DSG1: variants seen among roughly 807,000 people sequenced by gnomAD.
The protein encoded by DSG1 is desmoglein 1.
Under a neutral mutation model 97.5 loss-of-function variants are expected in DSG1, and 39 were observed. That is an observed-to-expected ratio of 0.40 (90% confidence interval 0.31 to 0.52). The LOEUF (loss-of-function observed/expected upper bound fraction) is 0.52, where lower values mean the gene tolerates loss of function less well. DSG1 is among the 20% of genes least tolerant of loss of function. The probability of loss-of-function intolerance (pLI) is 0.53; values close to 1 mark genes in which losing one functional copy is unlikely to be tolerated. For synonymous variants in DSG1, 475 were observed against 443.4 expected (o/e 1.07, Z -0.90); for missense variants, 1,311 against 1,295.4 (o/e 1.01, Z -0.18).
At chr18:31,323,850 C>T (rs2071668555) in intron 1 of DSG1, among the ~76,000 whole-genome samples, 1 of 152,036 alleles carries the variant, frequency 6.6e-6, no homozygotes, top group African/African-American at 2.4e-5. Context: ...ACTTTTTTAC[C>T]TCATCTCTTT....
At chr18:31,324,070 G>GCCTCCTGGGTTCCATTGATTCT (rs1229071797) in intron 1 of DSG1, among the ~76,000 whole-genome samples, 1 of 126,438 alleles carries the variant, frequency 7.9e-6, no homozygotes, top group Non-Finnish European at 1.6e-5. Flanking sequence ...TGCAACCTCC[G>GCCTCCTGGGTTCCATTGATTCT]CCTCCTGGGT....
intron 1 of DSG1, among the ~76,000 whole-genome samples, chr18:31,318,892 C>G (rs1415576967): frequency 6.6e-6 from 1 of 151,932 alleles, no homozygotes; most frequent in Non-Finnish European, 1.5e-5. Flanking sequence ...CTATAAAAAG[C>G]CCCGCACTAT....
chr18:31,349,397 T>C (rs1350817464), intron 14 of DSG1, among the ~76,000 whole-genome samples: 1 of 150,862 alleles, frequency 6.6e-6, no homozygotes, highest in East Asian at 1.9e-4. Flanking sequence ...AGTCAGGTAG[T>C]GTGATGCCTC....
intron 1 of DSG1, among the ~76,000 whole-genome samples, chr18:31,326,189 T>C (rs2071684776): frequency 1.3e-5 from 2 of 152,020 alleles, no homozygotes; most frequent in Non-Finnish European, 2.9e-5. Flanking sequence ...AAATTAACTA[T>C]AAAAAGAACT....
In DSG1 at chr18:31,355,455, T is replaced by A; in HGVS notation, c.*109T>A. ...CGCACAACTTCGTGCTCAGGTCATCTAGGAGCAAGGTGAGAAATCACAATG... is the reference window on the plus strand; with the variant it reads ...CGCACAACTTCGTGCTCAGGTCATCAAGGAGCAAGGTGAGAAATCACAATG... On this transcript the variant is annotated 3_prime_UTR_variant, in exon 15 of 15. Coordinates refer to ENST00000257192, the MANE Select transcript of DSG1 (RefSeq NM_001942.4). The A allele has an allele frequency of 9.1e-7, 1 of 1,095,254 alleles. No homozygotes were observed. The highest frequency in any genetic ancestry group is 1.4e-6 in the Non-Finnish European group (1 of 740,034). 67.8% of individuals were successfully genotyped at this position (1,095,254 alleles called of 1,614,324 possible).
At chr18:31,346,895 A>G (rs999378104) in intron 14 of DSG1, among the ~76,000 whole-genome samples, 2 of 152,194 alleles carry the variant, frequency 1.3e-5, no homozygotes, top group Non-Finnish European at 2.9e-5. Context: ...GAGTGGGGTC[A>G]AGAGCCATAG....
chr18:31,319,006 A>C (rs2071637397), intron 1 of DSG1, among the ~76,000 whole-genome samples: 1 of 152,198 alleles, frequency 6.6e-6, no homozygotes, highest in South Asian at 2.1e-4. Context: ...TTAAAGAGTA[A>C]GTATAATTAT....
At chr18:31,333,568 G>T in intron 6 of DSG1, 21 bp from the exon 7 acceptor site, 1 of 1,613,540 alleles carries the variant, frequency 6.2e-7, no homozygotes, top group South Asian at 1.1e-5. Context: ...GTGTGATATT[G>T]CCTGTAATAT....
chr18:31,321,250 A>G (rs1392205845), intron 1 of DSG1, among the ~76,000 whole-genome samples: 1 of 152,132 alleles, frequency 6.6e-6, no homozygotes, highest in Non-Finnish European at 1.5e-5. Flanking sequence ...TACACATTTC[A>G]TTACATAGTT....
intron 1 of DSG1, among the ~76,000 whole-genome samples, chr18:31,324,538 T>C (rs983938715): frequency 6.6e-6 from 1 of 152,212 alleles, no homozygotes; most frequent in Non-Finnish European, 1.5e-5. Flanking sequence ...AGGCATTATC[T>C]GGCATCTCAA....
chr18:31,353,515 T>C (rs938130327), intron 14 of DSG1, among the ~76,000 whole-genome samples: 8 of 151,914 alleles, frequency 5.3e-5, no homozygotes, highest in African/African-American at 1.4e-4. Flanking sequence ...GAGCTTCCTG[T>C]CTGCTTTGTT....
Position 31,354,366 on chromosome 18 carries a change from G to A in DSG1, c.2170G>A (p.Glu724Lys), listed in dbSNP as rs763943108. 13 of 1,614,046 alleles carry A rather than the reference G, an allele frequency of 8.1e-6. No homozygotes were observed. The highest frequency in any genetic ancestry group is 5.3e-5 in the African/African-American group (4 of 74,922). Residue 724 changes from glutamate (E) to lysine (K), a missense_variant, in exon 15 of 15, where the codon GAA (glutamate) becomes AAA (lysine). Around this residue, in one of 3 missense-constraint regions of DSG1, gnomAD observed 1,038 missense variants for 964.6 expected, o/e 1.08. Coordinates refer to ENST00000257192, the MANE Select transcript of DSG1 (RefSeq NM_001942.4). ...SNDCLLIYDIEGVGSPAGSVG... is the reference protein window; with the variant it reads ...SNDCLLIYDIKGVGSPAGSVG... Reference sequence around the variant, plus strand: ...TGACTGTTTGCTCATATATGACATCGAAGGTGTAGGTTCCCCTGCTGGCTC... The same window carrying A: ...TGACTGTTTGCTCATATATGACATCAAAGGTGTAGGTTCCCCTGCTGGCTC...
rs756653522 is a variant in DSG1, at chr18:31,328,288, A to G, written c.316A>G (p.Thr106Ala). 1 of 1,613,558 alleles carries G rather than the reference A, an allele frequency of 6.2e-7. No individual in the cohort carries two copies. The highest frequency in any genetic ancestry group is 8.5e-7 in the Non-Finnish European group (1 of 1,179,584). Residue 106 changes from threonine (T) to alanine (A), a missense_variant, in exon 4 of 15, where the codon ACT (threonine) becomes GCT (alanine). Around this residue, in one of 3 missense-constraint regions of DSG1, gnomAD observed 259 missense variants for 304.1 expected, o/e 0.85. Transcript: ENST00000257192. The stretch of plus-strand genomic sequence containing the variant: ...TGGGATCTTTGTCATTAATCAGAAA[A>G]CTGGTGAAATTAATATAACATCCAT... ...PYGIFVINQK[T>A]GEINITSIVD... is the part of the protein sequence containing the mutation.
At chr18:31,353,286 G>T (rs1351566428) in intron 14 of DSG1, among the ~76,000 whole-genome samples, 1 of 151,420 alleles carries the variant, frequency 6.6e-6, no homozygotes, top group Admixed American at 6.6e-5. Flanking sequence ...CTGCTCGGGG[G>T]TCAGGGGTCA....
intron 1 of DSG1, 105 bp from the exon 2 acceptor site, chr18:31,326,476 A>T: frequency 1.1e-6 from 1 of 872,978 alleles, no homozygotes; most frequent in South Asian, 1.6e-5. Flanking sequence ...AATTTTAATG[A>T]CTCACAAGCC....
intron 6 of DSG1, 122 bp downstream of exon 6, chr18:31,331,989 C>T (rs1227424865): frequency 1.1e-6 from 1 of 906,510 alleles, no homozygotes; most frequent in Non-Finnish European, 1.7e-6. Flanking sequence ...ATAACTTTTT[C>T]ACATAATTCT....
At chr18:31,330,522 A>G (rs1186551315) in intron 5 of DSG1, among the ~76,000 whole-genome samples, 1 of 152,116 alleles carries the variant, frequency 6.6e-6, no homozygotes, top group Non-Finnish European at 1.5e-5. Context: ...CCTACACTTT[A>G]CTTTTATTCA....
At chr18:31,343,649 A>G (rs1373966902) in intron 12 of DSG1, 66 bp downstream of exon 12, 1 of 1,607,942 alleles carries the variant, frequency 6.2e-7, no homozygotes, top group Non-Finnish European at 8.5e-7. Flanking sequence ...CACATGAACC[A>G]AGATGGCCGC....
At chr18:31,335,139 T>C (rs965387320) in intron 8 of DSG1, among the ~76,000 whole-genome samples, 7 of 152,190 alleles carry the variant, frequency 4.6e-5, no homozygotes, top group Non-Finnish European at 7.4e-5. Flanking sequence ...TTGTATTTAA[T>C]TTGAGACAGT....
Sources: gnomAD v4.1 joint callset for allele counts (sites outside exome capture counted in the v4.1 genomes callset) on GRCh38, gnomAD v4.1.1 for gene constraint, gnomAD v4.1.1 regional missense constraint, MANE v1.5 for transcripts, NCBI Gene and HGNC (gene_info 2026-07-23, HGNC 2026-07-21) for gene names.